CDH7: variants seen among roughly 807,000 people sequenced by gnomAD.
The protein encoded by CDH7 is cadherin 7, also known as cadherin-7.
A neutral mutation model predicts 71.8 loss-of-function variants in CDH7; 25 were observed. That is an observed-to-expected ratio of 0.35 (90% CI 0.25 to 0.49). The LOEUF (loss-of-function observed/expected upper bound fraction) is 0.49, where lower values mean the gene tolerates loss of function less well. Ranked by LOEUF, CDH7 falls within the 20% of genes least tolerant of loss-of-function variation. The probability of loss-of-function intolerance (pLI) is 0.99; values close to 1 mark genes in which losing one functional copy is unlikely to be tolerated. For synonymous variants in CDH7, 381 were observed against 363.8 expected (o/e 1.05, Z -0.54); for missense variants, 862 against 974.6 (o/e 0.88, Z 1.54).
At chr18:65,782,179 T>TTTCTTTCTTTCTTTCTTTCTTTCC (rs1910334147) in intron 2 of CDH7, among the ~76,000 whole-genome samples, 1 of 137,082 alleles carries the variant, frequency 7.3e-6, no homozygotes, top group African/African-American at 3.2e-5. Context: ...TCTTTCTTTC[T>TTTCTTTCTTTCTTTCTTTCTTTCC]TTCTTTCTTG....
At chr18:65,794,559 T>G (rs1480849349) in intron 2 of CDH7, among the ~76,000 whole-genome samples, 4 of 150,756 alleles carry the variant, frequency 2.7e-5, no homozygotes, top group Non-Finnish European at 5.9e-5. Context: ...GACAACCAGT[T>G]GGGGGTCGGG....
In CDH7 at chr18:65,817,996, A is replaced by T. The variant is rs938462515; in HGVS notation, c.625+3392A>T. The stretch of plus-strand genomic sequence containing the variant: ...TCTATTTCCTCATGCATCAGTGTCT[A>T]CATTTGCAGGAAAGAGTGTTGCTTG... On this transcript the variant is annotated intron_variant, in intron 4 of 11. Coordinates refer to ENST00000397968, the MANE Select transcript of CDH7 (RefSeq NM_004361.5). Among the ~76,000 whole-genome samples the T allele has an allele frequency of 1.6e-4, 25 of 152,212 alleles. 1 individual carries two copies. The highest frequency in any genetic ancestry group is 1.5e-4 in the Non-Finnish European group (10 of 68,026).
At chr18:65,793,531 A>G (rs929923154) in intron 2 of CDH7, among the ~76,000 whole-genome samples, 1 of 152,178 alleles carries the variant, frequency 6.6e-6, no homozygotes, top group African/African-American at 2.4e-5. Flanking sequence ...AAAAGCCTGT[A>G]AAACAATATT....
intron 7 of CDH7, among the ~76,000 whole-genome samples, chr18:65,852,047 A>G (rs1172992758): frequency 6.6e-6 from 1 of 152,222 alleles, no homozygotes; most frequent in Non-Finnish European, 1.5e-5. Flanking sequence ...GGAATACAGA[A>G]TGACCAACAT....
chr18:65,822,094 T>C lies in CDH7; in HGVS notation c.639T>C (p.Thr213=). 3 of 1,612,706 alleles carry C rather than the reference T, an allele frequency of 1.9e-6. No homozygotes were observed. The highest frequency in any genetic ancestry group is 2.5e-6 in the Non-Finnish European group (3 of 1,178,764). The change falls in exon 5 of 12, where the codon ACT becomes ACC. Residue 213 remains threonine (T), a synonymous_variant. Coordinates refer to ENST00000397968, the MANE Select transcript of CDH7 (RefSeq NM_004361.5). The part of the protein sequence containing the change: ...SVEPKTGVIK[T]ALPNMDREAK... The stretch of plus-strand genomic sequence containing the variant: ...GAAATTTTACAGGAGTCATCAAGAC[T>C]GCCCTTCCAAACATGGATAGAGAGG...
intron 2 of CDH7, among the ~76,000 whole-genome samples, chr18:65,774,181 CTTA>C (rs146445056): frequency 3.0e-4 from 45 of 151,380 alleles, no homozygotes; most frequent in African/African-American, 8.5e-4. Flanking sequence ...AAGCCATGAT[CTTA>C]TTATTATTAT....
chr18:65,772,352 A>G (rs558624288), intron 2 of CDH7, among the ~76,000 whole-genome samples: 1 of 152,306 alleles, frequency 6.6e-6, no homozygotes, highest in African/African-American at 2.4e-5. Context: ...TTTCTTTCCC[A>G]TAAAATATCT....
chr18:65,831,313 C>A (rs1476468818), intron 6 of CDH7, among the ~76,000 whole-genome samples: 1 of 152,220 alleles, frequency 6.6e-6, no homozygotes, highest in Admixed American at 6.5e-5. Flanking sequence ...GAATATCCAT[C>A]ACTCTCATTC....
chr18:65,756,136 A>T (rs966172287), intron 1 of CDH7, among the ~76,000 whole-genome samples: 1 of 152,210 alleles, frequency 6.6e-6, no homozygotes, highest in African/African-American at 2.4e-5. Flanking sequence ...TTAAAGATTC[A>T]TTAAAAACAT....
intron 2 of CDH7, among the ~76,000 whole-genome samples, chr18:65,787,647 A>G (rs960666007): frequency 6.6e-6 from 1 of 152,232 alleles, no homozygotes; most frequent in African/African-American, 2.4e-5. Flanking sequence ...ATATAAAGGC[A>G]GGAACTGCAA....
At chr18:65,809,548 A>G (rs553160907) in intron 2 of CDH7, among the ~76,000 whole-genome samples, 156 bp from the exon 3 acceptor site, 1 of 152,336 alleles carries the variant, frequency 6.6e-6, no homozygotes, top group South Asian at 2.1e-4. Flanking sequence ...ACACATTCTA[A>G]TAGCCTTTCT....
rs562239804 is a variant in CDH7 at position 65,819,277 on chromosome 18, T to G, written c.626-2804T>G. Among the ~76,000 whole-genome samples the G allele has an allele frequency of 5.9e-5, 9 of 152,284 alleles. 1 individual carries two copies. In the South Asian group the frequency reaches 1.0e-3, roughly 18 times the overall value. ...CTCCTCGATTTGCATGTAATTGAAA[T>G]TGGGTTTACGTAAGTATAAATAAAT... On this transcript the variant is annotated intron_variant, in intron 4 of 11. Transcript: ENST00000397968.
chr18:65,793,557 G>A (rs1470354662), intron 2 of CDH7, among the ~76,000 whole-genome samples: 1 of 152,114 alleles, frequency 6.6e-6, no homozygotes, highest in Non-Finnish European at 1.5e-5. Context: ...AGCTAAGTCT[G>A]TAGATCGGAT....
intron 7 of CDH7, among the ~76,000 whole-genome samples, chr18:65,857,358 TAATAAA>T (rs1441122864): frequency 0.024 from 2,399 of 99,876 alleles, 44 homozygotes; most frequent in African/African-American, 0.06. Context: ...ATAATAATAA[TAATAAA>T]ATAGCCAAAT....
intron 4 of CDH7, among the ~76,000 whole-genome samples, chr18:65,819,610 GGA>G (rs1911844719): frequency 6.6e-6 from 1 of 152,104 alleles, no homozygotes; most frequent in African/African-American, 2.4e-5. Context: ...AGGCTGTAAT[GGA>G]GAGAGTGAGG....
chr18:65,766,584 C>T (rs1305091216), intron 2 of CDH7, among the ~76,000 whole-genome samples: 1 of 152,052 alleles, frequency 6.6e-6, no homozygotes, highest in Non-Finnish European at 1.5e-5. Flanking sequence ...AATGTATAGA[C>T]TTAAGGAAGG....
In CDH7 at chr18:65,809,942, A is replaced by C; in HGVS notation, c.449A>C (p.Glu150Ala). Residue 150 changes from glutamate to alanine, a missense_variant, in exon 3 of 12, where the codon GAA becomes GCA. Glu to Ala is a moderately radical substitution (Grantham distance 107). Transcript: ENST00000397968. Reference protein sequence around the residue: ...VIKIQDINDNEPKFLDGPYTA... With the variant: ...VIKIQDINDNAPKFLDGPYTA... ...AAAATTCAGGATATCAACGACAATG[A>C]ACCCAAATTTTTGGATGGCCCATAC... 1 of 1,614,084 alleles carries C rather than the reference A, an allele frequency of 6.2e-7. No individual in the cohort carries two copies. The highest frequency in any genetic ancestry group is 1.7e-5 in the Admixed American group (1 of 60,000).
intron 7 of CDH7, among the ~76,000 whole-genome samples, chr18:65,853,946 T>C (rs1304370685): frequency 4.4e-5 from 5 of 113,366 alleles, no homozygotes; most frequent in Non-Finnish European, 9.3e-5. Context: ...TATATATATA[T>C]ATATATATAT....
At chr18:65,833,356 T>C (rs1031578463) in intron 6 of CDH7, among the ~76,000 whole-genome samples, 3 of 152,216 alleles carry the variant, frequency 2.0e-5, no homozygotes, top group African/African-American at 7.2e-5. Context: ...GTTGCTGATA[T>C]GTGGTGAGAG....
Sources: gnomAD v4.1 joint callset for allele counts (sites outside exome capture counted in the v4.1 genomes callset) on GRCh38, gnomAD v4.1.1 for gene constraint, MANE v1.5 for transcripts, NCBI Gene and HGNC (gene_info 2026-07-23, HGNC 2026-07-21) for gene names.